CCDC141: variants seen among roughly 807,000 people sequenced by gnomAD.
CCDC141 encodes the protein coiled-coil domain containing 141.
Under a neutral mutation model 181.0 loss-of-function variants are expected in CCDC141, and 168 were observed. That is an observed-to-expected ratio of 0.93 (90% CI 0.82 to 1.05). The LOEUF (loss-of-function observed/expected upper bound fraction) is 1.05. Among genes scored for constraint, CCDC141 ranks in the 50% least tolerant of loss-of-function variants. CCDC141 has a pLI of 0.00. For synonymous variants in CCDC141, 666 were observed against 642.3 expected (o/e 1.04, Z -0.56); for missense variants, 1,902 against 1,788.5 (o/e 1.06, Z -1.14).
intron 8 of CCDC141, among the ~76,000 whole-genome samples, chr2:178,897,651 T>G (rs148909079): frequency 6.6e-6 from 1 of 152,300 alleles, no homozygotes; most frequent in African/African-American, 2.4e-5. Context: ...GTATAGAAAT[T>G]GAGTTAACTC....
rs79918039 is a variant in CCDC141 at position 178,907,432 on chromosome 2, A to G, written c.1093-1931T>C. Among the ~76,000 whole-genome samples the G allele has an allele frequency of 9.0e-3, 1,368 of 152,352 alleles. 27 individuals carry two copies. The highest frequency in any genetic ancestry group is 0.032 in the African/African-American group (1,315 of 41,586). ...AAAGATTACCTTGGAAGACTTAAGAAGGAAGGGCTATGTCAGAGAAAGTTG... is the reference window on the plus strand; with the variant it reads ...AAAGATTACCTTGGAAGACTTAAGAGGGAAGGGCTATGTCAGAGAAAGTTG... On this transcript the variant is annotated intron_variant, in intron 7 of 23. Transcript: ENST00000443758.
intron 8 of CCDC141, among the ~76,000 whole-genome samples, chr2:178,904,276 A>G (rs889893845): frequency 6.6e-6 from 1 of 152,106 alleles, no homozygotes; most frequent in Non-Finnish European, 1.5e-5. Context: ...TTATTGGAAG[A>G]CCTTGGATTA....
At chr2:178,861,914 T>G (rs1685637522) in intron 17 of CCDC141, among the ~76,000 whole-genome samples, 1 of 152,244 alleles carries the variant, frequency 6.6e-6, no homozygotes, top group Non-Finnish European at 1.5e-5. Flanking sequence ...TATACCATTG[T>G]GCTGCCCTGT....
At chr2:179,000,912 A>C (rs2154383345) in intron 2 of CCDC141, among the ~76,000 whole-genome samples, 1 of 152,324 alleles carries the variant, frequency 6.6e-6, no homozygotes, top group East Asian at 1.9e-4. Flanking sequence ...TGACTTCCCC[A>C]CTAACCCTTG....
At chr2:178,966,967 A>C (rs1690668037) in intron 4 of CCDC141, among the ~76,000 whole-genome samples, 1 of 151,924 alleles carries the variant, frequency 6.6e-6, no homozygotes, top group Non-Finnish European at 1.5e-5. Flanking sequence ...CACAAGTTTC[A>C]ATAGCTGAAT....
intron 6 of CCDC141, among the ~76,000 whole-genome samples, chr2:178,929,314 T>C (rs755286902): frequency 6.6e-6 from 1 of 152,184 alleles, no homozygotes; most frequent in Non-Finnish European, 1.5e-5. Flanking sequence ...GTAATGAAAG[T>C]TCAAATAGCA....
At chr2:179,024,754 G>A (rs12053571) in intron 2 of CCDC141, among the ~76,000 whole-genome samples, 73,705 of 152,046 alleles carry the variant, frequency 0.48, 20,925 homozygotes, top group Non-Finnish European at 0.64. Flanking sequence ...TGTTTGTGAT[G>A]GGACCCTGAA....
chr2:178,975,547 G>C (rs2154380437), intron 3 of CCDC141, among the ~76,000 whole-genome samples: 1 of 152,180 alleles, frequency 6.6e-6, no homozygotes, highest in African/African-American at 2.4e-5. Context: ...CAGAAAGTTA[G>C]CTAAGGGAAA....
chr2:178,932,589 C>T (rs1176921161), intron 6 of CCDC141, among the ~76,000 whole-genome samples: 1 of 152,230 alleles, frequency 6.6e-6, no homozygotes, highest in South Asian at 2.1e-4. Flanking sequence ...ACAACACATA[C>T]AATTTTTTGT....
chr2:178,905,031 TTGGGA>T (rs1311647300), intron 8 of CCDC141, among the ~76,000 whole-genome samples: 2 of 152,192 alleles, frequency 1.3e-5, no homozygotes, highest in Non-Finnish European at 2.9e-5. Context: ...TTGAAAAGCC[TTGGGA>T]ACTAAAGCTC....
Position 179,016,235 on chromosome 2 carries a change from T to C in CCDC141, c.225+31049A>G, listed in dbSNP as rs1423848865. Among the ~76,000 whole-genome samples the C allele has an allele frequency of 2.6e-5, 4 of 151,810 alleles. No individual in the cohort carries two copies. In the East Asian group the frequency reaches 5.8e-4, roughly 22 times the overall value. ...GGTGAGGGATAAAAGACTACAAATA[T>C]GATGCGGTGTATACTGCTCGGGTTA... is the stretch of plus-strand genomic sequence containing the variant. On this transcript the variant is annotated intron_variant, in intron 2 of 23. Transcript: ENST00000443758.
intron 2 of CCDC141, among the ~76,000 whole-genome samples, chr2:179,044,901 A>C (rs2043438306): frequency 6.6e-6 from 1 of 152,200 alleles, no homozygotes; most frequent in Non-Finnish European, 1.5e-5. Flanking sequence ...AGTTTGTGAC[A>C]TAAGTAGAGC....
At chr2:178,874,281 T>C (rs958642222) in intron 12 of CCDC141, 1 of 152,188 alleles carries the variant, frequency 6.6e-6, no homozygotes, top group African/African-American at 2.4e-5. Flanking sequence ...ATTTTATCAA[T>C]AAGGAGGAAC....
At chr2:179,012,965 TTAA>T (rs1414394410) in intron 2 of CCDC141, among the ~76,000 whole-genome samples, 1 of 152,134 alleles carries the variant, frequency 6.6e-6, no homozygotes. Context: ...GGGACATACC[TTAA>T]TGTAATAAAA....
At chr2:178,867,756 C>T (rs1452746884) in intron 16 of CCDC141, among the ~76,000 whole-genome samples, 1 of 152,126 alleles carries the variant, frequency 6.6e-6, no homozygotes, top group Non-Finnish European at 1.5e-5. Flanking sequence ...GTGACTGCCA[C>T]ACTGGACTAT....
At chr2:178,930,773 AC>A (rs1164988395) in intron 6 of CCDC141, among the ~76,000 whole-genome samples, 9 of 152,116 alleles carry the variant, frequency 5.9e-5, no homozygotes, top group Admixed American at 2.6e-4. Context: ...ATGAAGTTAG[AC>A]CCTTACCTCA....
intron 5 of CCDC141, among the ~76,000 whole-genome samples, chr2:178,960,260 C>A (rs952193426): frequency 6.6e-6 from 1 of 152,176 alleles, no homozygotes; most frequent in Non-Finnish European, 1.5e-5. Flanking sequence ...ATGATAGGAA[C>A]TGGTACATAG....
intron 7 of CCDC141, among the ~76,000 whole-genome samples, chr2:178,917,752 C>T (rs1449146862): frequency 6.6e-6 from 1 of 152,186 alleles, no homozygotes; most frequent in Non-Finnish European, 1.5e-5. Flanking sequence ...TTAGCAGGAA[C>T]CACCTGCTGC....
intron 2 of CCDC141, among the ~76,000 whole-genome samples, chr2:179,028,524 G>A (rs141463577): frequency 6.6e-6 from 1 of 152,266 alleles, no homozygotes; most frequent in East Asian, 1.9e-4. Flanking sequence ...TTATGTCAGT[G>A]ACCTCCAATC....
Sources: allele counts gnomAD v4.1 joint callset (sites outside exome capture counted in the v4.1 genomes callset), GRCh38; gene constraint gnomAD v4.1.1; transcripts MANE v1.5; gene names NCBI Gene and HGNC (gene_info 2026-07-23, HGNC 2026-07-21).